CD247: variants seen among roughly 807,000 people sequenced by gnomAD.
CD247 encodes CD247 molecule.
A neutral mutation model predicts 30.0 loss-of-function variants in CD247; 13 were observed. The ratio of observed to expected loss-of-function variants is 0.43; its 90% confidence interval spans 0.28 to 0.69. CD247 has a LOEUF of 0.69. Among genes scored for constraint, CD247 ranks in the 30% least tolerant of loss-of-function variants. CD247 has a pLI of 0.16. For synonymous variants in CD247, 72 were observed against 80.0 expected (o/e 0.90, Z 0.53); for missense variants, 193 against 212.6 (o/e 0.91, Z 0.57).
At chr1:167,493,037 CTTTTT>C (rs60850667) in intron 1 of CD247, among the ~76,000 whole-genome samples, 1 of 80,366 alleles carries the variant, frequency 1.2e-5, no homozygotes, top group African/African-American at 5.2e-5. Context: ...AATTTTTCTC[CTTTTT>C]TTTTTTTTTT....
chr1:167,501,986 C>T (rs1654928636), intron 1 of CD247, among the ~76,000 whole-genome samples: 1 of 152,228 alleles, frequency 6.6e-6, no homozygotes, highest in Non-Finnish European at 1.5e-5. Flanking sequence ...TGAAGGGCAA[C>T]CCCGGTGCTC....
intron 1 of CD247, among the ~76,000 whole-genome samples, chr1:167,513,283 T>C (rs1333374277): frequency 4.0e-5 from 6 of 151,736 alleles, no homozygotes; most frequent in Non-Finnish European, 7.4e-5. Context: ...GATTATGATA[T>C]GACTTATGTT....
chr1:167,440,788 G>A (rs763641270), intron 1 of CD247, 21 bp from the exon 2 acceptor site: 5 of 1,550,628 alleles, frequency 3.2e-6, no homozygotes, highest in Non-Finnish European at 4.4e-6. Context: ...AGATAAAGCT[G>A]GTCAGCCAGG....
Position 167,431,532 on chromosome 1 carries a change from T to G in CD247, c.*149A>C. On this transcript the variant is annotated 3_prime_UTR_variant, in exon 8 of 8. Coordinates refer to ENST00000362089, the MANE Select transcript of CD247 (RefSeq NM_198053.3). ...GGACAACAGTCTGTGTGTGAAGGTT[T>G]GGAGCTAAATATAACCAAAGCATCC... is the stretch of plus-strand genomic sequence containing the variant. 1 of 772,970 alleles carries G rather than the reference T, an allele frequency of 1.3e-6. No homozygotes were observed. Among genetic ancestry groups the G allele is most frequent in the Non-Finnish European group, 2.3e-6 (1 of 425,884 alleles). The allele number at this position is 772,970 out of a possible 1,614,324, so 47.9% of individuals were successfully genotyped here. A position where few individuals can be genotyped will look rare whatever the true frequency, so the allele number is the denominator to read the frequency against.
rs899490986 is a variant in CD247 at position 167,452,717 on chromosome 1, G to T, written c.59-11950C>A. ...GAAACATGAGGGAGGGACGATGCCTGCAGTCACGCTCTGGGAGTAAACAAT... is the reference window on the plus strand; with the variant it reads ...GAAACATGAGGGAGGGACGATGCCTTCAGTCACGCTCTGGGAGTAAACAAT... On this transcript the variant is annotated intron_variant, in intron 1 of 7. Coordinates refer to ENST00000362089, the MANE Select transcript of CD247 (RefSeq NM_198053.3). 1.1e-4 allele frequency among the ~76,000 whole-genome samples: 16 copies of T among 152,092 alleles called. No individual in the cohort carries two copies. The East Asian group carries it at 3.1e-3, about 29-fold the overall frequency.
Position 167,436,461 on chromosome 1 carries a change from G to T in CD247, c.301-1027C>A, listed in dbSNP as rs143597031. On this transcript the variant is annotated intron_variant, in intron 4 of 7. Coordinates refer to ENST00000362089, the MANE Select transcript of CD247 (RefSeq NM_198053.3). ...ACTTCTATTCAATATAGTAACATAG[G>T]TCCCAGCCGAGCAATTAGCAAAAGG... Among the ~76,000 whole-genome samples the T allele has an allele frequency of 6.6e-5, 10 of 152,240 alleles. No homozygotes were observed. The East Asian group carries it at 7.7e-4, about 12-fold the overall frequency.
chr1:167,460,768 T>C (rs764862301), intron 1 of CD247, among the ~76,000 whole-genome samples: 2 of 152,150 alleles, frequency 1.3e-5, no homozygotes, highest in Non-Finnish European at 2.9e-5. Context: ...GGCCCTGGTG[T>C]GTGATGTTCC....
At chr1:167,476,910 G>A (rs573066286) in intron 1 of CD247, among the ~76,000 whole-genome samples, 39 of 152,256 alleles carry the variant, frequency 2.6e-4, no homozygotes, top group African/African-American at 8.9e-4. Context: ...ACCCTATGCC[G>A]TATGTTTTAT....
chr1:167,517,137 A>G (rs571328492), intron 1 of CD247, among the ~76,000 whole-genome samples: 1 of 152,262 alleles, frequency 6.6e-6, no homozygotes, highest in East Asian at 1.9e-4. Context: ...ACTCTGCCAC[A>G]CTGTGTGTGT....
chr1:167,486,146 C>G (rs908134245), intron 1 of CD247, among the ~76,000 whole-genome samples: 18 of 152,308 alleles, frequency 1.2e-4, no homozygotes, highest in Middle Eastern at 3.4e-3. Flanking sequence ...AAATTAGCAA[C>G]ATGGAAAAGT....
intron 1 of CD247, among the ~76,000 whole-genome samples, chr1:167,478,585 G>T (rs1271988154): frequency 6.6e-6 from 1 of 152,140 alleles, no homozygotes; most frequent in African/African-American, 2.4e-5. Flanking sequence ...GCAGTAGTGT[G>T]GACAGGAACG....
chr1:167,484,969 C>T (rs1654141324), intron 1 of CD247, among the ~76,000 whole-genome samples: 1 of 152,202 alleles, frequency 6.6e-6, no homozygotes, highest in Admixed American at 6.5e-5. Context: ...GTGAAAGCCT[C>T]ACATTGGCAG....
intron 1 of CD247, among the ~76,000 whole-genome samples, chr1:167,506,267 T>C (rs371122626): frequency 1.8e-3 from 22 of 12,564 alleles, no homozygotes; most frequent in African/African-American, 5.1e-3. Context: ...TTTTCTTTTC[T>C]TTTCCTTTTC....
At chr1:167,473,501 A>C (rs2102052340) in intron 1 of CD247, among the ~76,000 whole-genome samples, 1 of 152,078 alleles carries the variant, frequency 6.6e-6, no homozygotes, top group South Asian at 2.1e-4. Flanking sequence ...TTCAACCCCA[A>C]CTGCAGCTTG....
chr1:167,431,100 T>C lies in CD247; in HGVS notation c.*581A>G. 2.4e-6 allele frequency: 1 copy of C among 408,578 alleles called. No homozygotes were observed. Among genetic ancestry groups the C allele is most frequent in the Non-Finnish European group, 4.3e-6 (1 of 231,164 alleles). The allele number at this position is 408,578 out of a possible 1,614,324, so 25.3% of individuals were successfully genotyped here. On this transcript the variant is annotated 3_prime_UTR_variant, in exon 8 of 8. Coordinates refer to ENST00000362089, the MANE Select transcript of CD247 (RefSeq NM_198053.3). ...TGCCCTCGCAGGCCCTGGCTGACCCTCCCCTGCCCGCCCACCTTCCCATGC... is the reference window on the plus strand; with the variant it reads ...TGCCCTCGCAGGCCCTGGCTGACCCCCCCCTGCCCGCCCACCTTCCCATGC...
intron 1 of CD247, among the ~76,000 whole-genome samples, chr1:167,487,746 C>T (rs866633461): frequency 1.3e-5 from 2 of 152,126 alleles, no homozygotes; most frequent in South Asian, 2.1e-4. Flanking sequence ...TTGTTTTTTT[C>T]GAGACAGGGT....
chr1:167,510,616 C>T (rs1206771662), intron 1 of CD247, among the ~76,000 whole-genome samples: 1 of 152,204 alleles, frequency 6.6e-6, no homozygotes, highest in African/African-American at 2.4e-5. Flanking sequence ...TCCCATCATG[C>T]CCAGCCCAGA....
chr1:167,503,204 T>C (rs764915153), intron 1 of CD247, among the ~76,000 whole-genome samples: 1 of 152,208 alleles, frequency 6.6e-6, no homozygotes, highest in Non-Finnish European at 1.5e-5. Flanking sequence ...GAACCGACTT[T>C]AGGAGGTCCC....
intron 5 of CD247, 106 bp from the exon 6 acceptor site, chr1:167,434,182 G>T: frequency 2.0e-6 from 2 of 976,328 alleles, no homozygotes; most frequent in Non-Finnish European, 1.7e-6. Context: ...AGCAGTGGCA[G>T]ACAGGGAGGG....
Sources: allele counts gnomAD v4.1 joint callset (sites outside exome capture counted in the v4.1 genomes callset), GRCh38; gene constraint gnomAD v4.1.1; transcripts MANE v1.5; gene names NCBI Gene and HGNC (gene_info 2026-07-23, HGNC 2026-07-21).